ELL3: variants seen among roughly 807,000 people sequenced by gnomAD.
ELL3 encodes the protein RNA polymerase II elongation factor ELL3.
Under a neutral mutation model 58.5 loss-of-function variants are expected in ELL3, and 48 were observed. That is an observed-to-expected ratio of 0.82 (90% CI 0.65 to 1.04). The LOEUF is 1.04. Among genes scored for constraint, ELL3 ranks in the 50% least tolerant of loss-of-function variants. The pLI, the probability that ELL3 is intolerant of heterozygous loss-of-function variation, is 0.00. For synonymous variants in ELL3, 174 were observed against 173.2 expected (o/e 1.00, Z -0.04); for missense variants, 458 against 478.4 (o/e 0.96, Z 0.40).
Position 43,776,079 on chromosome 15 carries a change from C to G in ELL3, c.241G>C (p.Ala81Pro). 1 of 1,614,160 alleles carries G rather than the reference C, an allele frequency of 6.2e-7. No individual in the cohort carries two copies. Among genetic ancestry groups the G allele is most frequent in the Non-Finnish European group, 8.5e-7 (1 of 1,180,018 alleles). ...FIVSQCCQEGAGGSLDLVCQR... is the reference protein window; with the variant it reads ...FIVSQCCQEGPGGSLDLVCQR... The stretch of plus-strand genomic sequence containing the variant: ...CACACAAGGTCCAAGCTACCACCAG[C>G]GCCCTCCTGACAACACTGGGACACT... The change falls in exon 3 of 11, where the codon GCT becomes CCT. Residue 81 changes from alanine to proline, a missense_variant. Transcript: ENST00000319359.
At chr15:43,775,412 A>T (rs749120425) in intron 5 of ELL3, 31 bp from the exon 6 acceptor site, 8 of 1,610,136 alleles carry the variant, frequency 5.0e-6, no homozygotes, top group Non-Finnish European at 6.8e-6. Flanking sequence ...GGGACAGATG[A>T]AGACCAGGGT....
rs1340017356 is a variant in ELL3 at position 43,772,907 on chromosome 15, G to T, written c.*209C>A. ...TCTGTCACTTTTCCTAGACTCCTAG[G>T]CACAGCTATGGAGTCTTTGCACAGT... On this transcript the variant is annotated 3_prime_UTR_variant, in exon 11 of 11. Transcript: ENST00000319359. The T allele has an allele frequency of 4.8e-6, 2 of 415,182 alleles. No individual in the cohort carries two copies. The highest frequency in any genetic ancestry group is 8.4e-6 in the Non-Finnish European group (2 of 237,560). 25.7% of individuals were successfully genotyped at this position (415,182 alleles called of 1,614,324 possible).
Position 43,776,758 on chromosome 15 carries a change from G to A in ELL3, c.132+12C>T, listed in dbSNP as rs761145245. ...AGGGGCAGTGACTAGAGAAGAAGGGGGCCGGCCGTACCTGTTGCCGCTGAC... is the reference window on the plus strand; with the variant it reads ...AGGGGCAGTGACTAGAGAAGAAGGGAGCCGGCCGTACCTGTTGCCGCTGAC... On this transcript the variant is annotated intron_variant, in intron 1 of 10. Coordinates refer to ENST00000319359, the MANE Select transcript of ELL3 (RefSeq NM_025165.3). 1.3e-6 allele frequency: 2 copies of A among 1,597,000 alleles called. No individual in the cohort carries two copies. Among genetic ancestry groups the A allele is most frequent in the Non-Finnish European group, 1.7e-6 (2 of 1,169,124 alleles).
chr15:43,776,406 G>A, intron 2 of ELL3, 103 bp downstream of exon 2: 2 of 1,516,642 alleles, frequency 1.3e-6, no homozygotes, highest in Admixed American at 2.0e-5. Flanking sequence ...ACCTCAGACC[G>A]TGACTACTCG....
Position 43,775,380 on chromosome 15 carries a change from T to C in ELL3, c.571A>G (p.Ser191Gly), listed in dbSNP as rs779408639. 12 of 1,613,214 alleles carry C rather than the reference T, an allele frequency of 7.4e-6. No homozygotes were observed. The highest frequency in any genetic ancestry group is 1.0e-5 in the Non-Finnish European group (12 of 1,179,436). The stretch of plus-strand genomic sequence containing the variant: ...TCTCTGTTTGGAACATGGGTCTGGC[T>C]TCTAGGATATTTTAAGGGAATGGGA... ...REHMAQWEVR[S>G]QTHVPNREPV... The change falls in exon 6 of 11, where the codon AGC (serine) becomes GGC (glycine). Residue 191 changes from serine (S) to glycine (G), a missense_variant and splice_region_variant. Ser to Gly is a moderately conservative substitution (Grantham distance 56, BLOSUM62 0). Transcript: ENST00000319359.
At chr15:43,774,091 C>T (rs1254356942) in intron 9 of ELL3, 91 bp downstream of exon 9, 16 of 1,493,246 alleles carry the variant, frequency 1.1e-5, no homozygotes, top group African/African-American at 1.4e-5. Context: ...TGTCACTTTG[C>T]TTAGTCACTT....
intron 9 of ELL3, 31 bp downstream of exon 9, chr15:43,774,151 G>T (rs2086897776): frequency 6.2e-7 from 1 of 1,608,736 alleles, no homozygotes; most frequent in African/African-American, 1.3e-5. Context: ...GGCCAGTAGA[G>T]CTGGAAAGCC....
rs534129313 is a variant in ELL3, at chr15:43,774,261, C to G, written c.959G>C (p.Arg320Pro). The G allele has an allele frequency of 6.2e-7, 1 of 1,614,062 alleles. No individual in the cohort carries two copies. The highest frequency in any genetic ancestry group is 1.3e-5 in the African/African-American group (1 of 74,914). Residue 320 changes from arginine (R) to proline (P), a missense_variant, in exon 9 of 11, where the codon CGT becomes CCT. Coordinates refer to ENST00000319359, the MANE Select transcript of ELL3 (RefSeq NM_025165.3). ...DYAEYRILHA[R>P]VGTASQRFIE... ...GAACCTTTGGCTTGCAGTCCCAACA[C>G]GGGCATGCAGGATGCGGTATTCAGC...
intron 6 of ELL3, 108 bp from the exon 7 acceptor site, chr15:43,774,881 C>T: frequency 8.0e-7 from 1 of 1,252,876 alleles, no homozygotes; most frequent in East Asian, 2.6e-5. Context: ...ACCTGTAATC[C>T]TGACCGTTTC....
In ELL3 at chr15:43,774,167, G is replaced by A; in HGVS notation, c.1038+15C>T. 3 of 1,611,814 alleles carry A rather than the reference G, an allele frequency of 1.9e-6. No homozygotes were observed. The highest frequency in any genetic ancestry group is 2.5e-6 in the Non-Finnish European group (3 of 1,178,172). On this transcript the variant is annotated intron_variant, in intron 9 of 10. Transcript: ENST00000319359. ...GCCAGTAGAGCTGGAAAGCCAGGCT[G>A]GGTCCTGTCCTTACCTTGTATTCTG...
chr15:43,776,148 G>A lies in ELL3; in HGVS notation c.172C>T (p.Leu58=), dbSNP rs200980642. ...GACCAACCAGGGCCTGGGAGTCTCA[G>A]ATACTGGGGGTGGAAGGAGACGGTA... The part of the protein sequence containing the change: ...VIAFQGHRGY[L]RLPGPGWSCL... The change falls in exon 3 of 11, where the codon CTG becomes TTG. Residue 58 remains leucine (L), a synonymous_variant. Coordinates refer to ENST00000319359, the MANE Select transcript of ELL3 (RefSeq NM_025165.3). 2 of 1,613,784 alleles carry A rather than the reference G, an allele frequency of 1.2e-6. No individual in the cohort carries two copies. Among genetic ancestry groups the A allele is most frequent in the East Asian group, 4.5e-5 (2 of 44,888 alleles).
Position 43,774,310 on chromosome 15 carries a change from C to A in ELL3, c.910G>T (p.Glu304Ter), listed in dbSNP as rs1244834237. The A allele has an allele frequency of 1.9e-6, 3 of 1,614,094 alleles. No homozygotes were observed. The highest frequency in any genetic ancestry group is 2.5e-6 in the Non-Finnish European group (3 of 1,180,052). The part of the protein sequence containing the change: ...IHSAEQQHAY[E>*]QDFETDYAEY... The stretch of plus-strand genomic sequence containing the variant: ...GCATAATCTGTCTCAAAGTCCTGCT[C>A]ATAGGCATGTTGCTGTTCTGCACTG... Residue 304 changes from glutamate to a stop codon, truncating the protein, a stop_gained, in exon 9 of 11, where the codon GAG (glutamate) becomes TAG (stop). Coordinates refer to ENST00000319359, the MANE Select transcript of ELL3 (RefSeq NM_025165.3). LOFTEE classifies it high-confidence loss of function.
chr15:43,776,205 CCG>C, intron 2 of ELL3, 54 bp from the exon 3 acceptor site: 3 of 1,498,582 alleles, frequency 2.0e-6, no homozygotes, highest in Non-Finnish European at 2.8e-6. Flanking sequence ...CCCCCTCCTG[CCG>C]CCGCCACTCG....
In ELL3 at chr15:43,775,622, A is replaced by G. The variant is rs1228054122; in HGVS notation, c.484-12T>C. On this transcript the variant is annotated splice_polypyrimidine_tract_variant and intron_variant, in intron 4 of 10. Coordinates refer to ENST00000319359, the MANE Select transcript of ELL3 (RefSeq NM_025165.3). ...TCTGACACTGACACCTGGTGGGGAAAGTGGCAGGAGCACTTGGTTCCCTGG... is the reference window on the plus strand; with the variant it reads ...TCTGACACTGACACCTGGTGGGGAAGGTGGCAGGAGCACTTGGTTCCCTGG... The G allele has an allele frequency of 1.2e-6, 2 of 1,614,036 alleles. No individual in the cohort carries two copies. Among genetic ancestry groups the G allele is most frequent in the African/African-American group, 1.3e-5 (1 of 74,908 alleles).
intron 3 of ELL3, 22 bp downstream of exon 3, chr15:43,776,017 C>T: frequency 1.2e-6 from 2 of 1,613,220 alleles, no homozygotes; most frequent in South Asian, 1.1e-5. Flanking sequence ...CCCTTTCTTG[C>T]CGGCTACCTG....
rs773759855 is a variant in ELL3 at position 43,776,962 on chromosome 15, C to G, written c.-61G>C. The G allele has an allele frequency of 1.3e-6, 2 of 1,596,650 alleles. No individual in the cohort carries two copies. The highest frequency in any genetic ancestry group is 1.7e-6 in the Non-Finnish European group (2 of 1,176,830). ...CAGGCGAGGGCCACCACCGCCACCT[C>G]CTCTGTTCAGGGTTTGGTTGGCACA... On this transcript the variant is annotated 5_prime_UTR_variant, in exon 1 of 11. Transcript: ENST00000319359.
chr15:43,774,810 A>G, intron 6 of ELL3, 37 bp from the exon 7 acceptor site: 1 of 1,550,322 alleles, frequency 6.5e-7, no homozygotes, highest in Admixed American at 2.1e-5. Context: ...TAAACAGCCA[A>G]GAGCTTCCTA....
In ELL3 at chr15:43,773,244, C is replaced by T. The variant is rs775332763; in HGVS notation, c.1084-18G>A. On this transcript the variant is annotated intron_variant, in intron 10 of 10. Transcript: ENST00000319359. ...GGGTACTGCTGCAGAGAAAAAGCAT[C>T]CATGTCAAAAAGTAAAAATTCTCAT... The T allele has an allele frequency of 1.2e-6, 2 of 1,613,626 alleles. No individual in the cohort carries two copies. The highest frequency in any genetic ancestry group is 1.7e-6 in the Non-Finnish European group (2 of 1,179,862).
chr15:43,775,964 T>TCTTAAGCAC (rs1230210940), intron 3 of ELL3, 41 bp from the exon 4 acceptor site: 1 of 1,612,078 alleles, frequency 6.2e-7, no homozygotes, highest in East Asian at 2.2e-5. Flanking sequence ...GGTGGAGACC[T>TCTTAAGCAC]CTTAAGCACC....
Sources: allele counts gnomAD v4.1 joint callset, GRCh38; gene constraint gnomAD v4.1.1; transcripts MANE v1.5; gene names NCBI Gene and HGNC (gene_info 2026-07-23, HGNC 2026-07-21).